The following ZNF730 variants were observed in gnomAD, a reference collection of about 807,000 sequenced individuals.
ZNF730 encodes the protein zinc finger protein 730, also known as putative zinc finger protein 730.
Under a neutral mutation model 12.6 loss-of-function variants are expected in ZNF730, and 12 were observed. That is an observed-to-expected ratio of 0.95 (90% CI 0.61 to 1.54). ZNF730 has a LOEUF of 1.54. Among genes scored for constraint, ZNF730 ranks in the 40% most tolerant of loss-of-function variants. The pLI, the probability that ZNF730 is intolerant of heterozygous loss-of-function variation, is 0.00. For missense variants in ZNF730, 643 were observed against 583.5 expected (o/e 1.10, Z -1.05); for synonymous variants, 194 against 195.8 (o/e 0.99, Z 0.08).
At chr19:23,093,806 C>G (rs1056431181) in intron 1 of ZNF730, among the ~76,000 whole-genome samples, 3 of 152,236 alleles carry the variant, frequency 2.0e-5, no homozygotes, top group Admixed American at 1.3e-4. Context: ...GGGTCAGGGG[C>G]ATGGTGGGAA....
In ZNF730 at chr19:23,145,580, G is replaced by A; in HGVS notation, c.536G>A (p.Gly179Glu). ...SKKPFKCKEC[G>E]KLFCILSHLA... Reference sequence around the variant, plus strand: ...AAACCTTTCAAATGTAAAGAATGTGGAAAATTATTTTGCATTCTTTCACAC... The same window carrying A: ...AAACCTTTCAAATGTAAAGAATGTGAAAAATTATTTTGCATTCTTTCACAC... The change falls in exon 4 of 4, where the codon GGA (glycine) becomes GAA (glutamate). Residue 179 changes from glycine to glutamate, a missense_variant. Transcript: ENST00000597761. The A allele has an allele frequency of 6.5e-7, 1 of 1,543,626 alleles. No individual in the cohort carries two copies. The highest frequency in any genetic ancestry group is 8.7e-7 in the Non-Finnish European group (1 of 1,145,650).
chr19:23,075,816 G>T (rs1969848823), intron 1 of ZNF730, among the ~76,000 whole-genome samples: 1 of 151,882 alleles, frequency 6.6e-6, no homozygotes, highest in African/African-American at 2.4e-5. Flanking sequence ...CTCGGTTTCT[G>T]TAAGCTCCGT....
Position 23,100,630 on chromosome 19 carries a change from C to CTTT in ZNF730, c.-94+25284_-94+25286dup, listed in dbSNP as rs201462781. On this transcript the variant is annotated intron_variant, in intron 1 of 2. Coordinates refer to the ZNF730 transcript ENST00000593635. ...TCTAGCCACAATTTGGATGGTGATT[C>CTTT]TTTTTTTTTTTTTTTTTTTTTTTTT... 3.4e-5 allele frequency among the ~76,000 whole-genome samples: 4 copies of CTTT among 118,552 alleles called. 1 individual carries two copies. Among genetic ancestry groups the CTTT allele is most frequent in the African/African-American group, 1.2e-4 (3 of 25,416 alleles). 77.8% of individuals were successfully genotyped at this position (118,552 alleles called of 152,430 possible). A position where few individuals can be genotyped will look rare whatever the true frequency, so the allele number is the denominator to read the frequency against.
intron 1 of ZNF730, among the ~76,000 whole-genome samples, chr19:23,086,726 C>G (rs1434337425): frequency 6.6e-6 from 1 of 152,136 alleles, no homozygotes; most frequent in Non-Finnish European, 1.5e-5. Flanking sequence ...TGTGATGCCT[C>G]CAGCTTTGCT....
chr19:23,128,156 T>A, intron 1 of ZNF730: 1 of 889,570 alleles, frequency 1.1e-6, no homozygotes, highest in Non-Finnish European at 1.9e-6. Flanking sequence ...TTTGGTTCCC[T>A]GAAGAGAGCA....
intron 1 of ZNF730, among the ~76,000 whole-genome samples, chr19:23,129,623 G>A (rs2145642937): frequency 6.8e-6 from 1 of 147,702 alleles, no homozygotes; most frequent in East Asian, 2.0e-4. Context: ...TAATTGTACA[G>A]GCTCATAGGC....
chr19:23,075,741 T>G (rs540107847), intron 1 of ZNF730, among the ~76,000 whole-genome samples: 2 of 149,524 alleles, frequency 1.3e-5, no homozygotes, highest in East Asian at 3.9e-4. Flanking sequence ...TTTCCTGTTA[T>G]TTTTTTTTTC....
intron 1 of ZNF730, among the ~76,000 whole-genome samples, chr19:23,088,821 T>C (rs1438552608): frequency 2.0e-5 from 3 of 152,106 alleles, no homozygotes; most frequent in African/African-American, 7.2e-5. Flanking sequence ...TTTTTATGCA[T>C]CTATTGAAAT....
intron 1 of ZNF730, among the ~76,000 whole-genome samples, chr19:23,129,572 T>TTCCCCC (rs1555715538): frequency 2.2e-5 from 3 of 138,480 alleles, no homozygotes; most frequent in African/African-American, 8.5e-5. Flanking sequence ...AATGCTTGTA[T>TTCCCCC]CCCCCCCCCC....
intron 1 of ZNF730, chr19:23,125,643 A>T (rs1305365490): frequency 6.6e-6 from 1 of 152,244 alleles, no homozygotes; most frequent in Non-Finnish European, 1.5e-5. Flanking sequence ...TGAGCCATGG[A>T]TGCCAGTCTC....
At chr19:23,141,932 TGC>T (rs1194766254) in intron 3 of ZNF730, among the ~76,000 whole-genome samples, 1 of 152,220 alleles carries the variant, frequency 6.6e-6, no homozygotes, top group Non-Finnish European at 1.5e-5. Context: ...TTACAGAAAG[TGC>T]AATATTAAAG....
At chr19:23,105,859 A>G (rs1024150628) in intron 1 of ZNF730, among the ~76,000 whole-genome samples, 1 of 152,230 alleles carries the variant, frequency 6.6e-6, no homozygotes, top group African/African-American at 2.4e-5. Context: ...GTTGTCAACA[A>G]CAACAAAAAA....
intron 1 of ZNF730, among the ~76,000 whole-genome samples, chr19:23,101,924 AC>A (rs1258007394): frequency 2.0e-5 from 3 of 152,154 alleles, no homozygotes; most frequent in African/African-American, 7.2e-5. Flanking sequence ...GGTACTGCTC[AC>A]AGGGTGCATT....
At chr19:23,123,298 G>C (rs1053137715) in intron 1 of ZNF730, 1 of 152,386 alleles carries the variant, frequency 6.6e-6, no homozygotes, top group Middle Eastern at 3.1e-3. Context: ...GGCCAGACAC[G>C]GTGGCTCACG....
upstream of ZNF730, among the ~76,000 whole-genome samples, chr19:23,114,013 A>C (rs536210210): frequency 3.7e-4 from 56 of 152,192 alleles, no homozygotes; most frequent in Non-Finnish European, 7.2e-4. Context: ...GACTGTACTC[A>C]TTTTTGTACC....
chr19:23,114,305 C>CTTTTTTTTTTTTTTTTTTTTTT (rs869304180), upstream of ZNF730, among the ~76,000 whole-genome samples: 1 of 103,508 alleles, frequency 9.7e-6, no homozygotes, highest in Non-Finnish European at 2.0e-5. Flanking sequence ...TTTTTCTTTT[C>CTTTTTTTTTTTTTTTTTTTTTT]TTTTTTTTTT....
chr19:23,128,140 A>G, intron 1 of ZNF730: 1 of 911,452 alleles, frequency 1.1e-6, no homozygotes, highest in Non-Finnish European at 1.8e-6. Flanking sequence ...CACTGGCAAT[A>G]AAGTTTTTGG....
chr19:23,145,451 G>A lies in ZNF730; in HGVS notation c.407G>A (p.Cys136Tyr). 6.4e-7 allele frequency: 1 copy of A among 1,573,562 alleles called. No homozygotes were observed. Among genetic ancestry groups the A allele is most frequent in the South Asian group, 1.2e-5 (1 of 85,686 alleles). The change falls in exon 4 of 4, where the codon TGT becomes TAT. Residue 136 changes from cysteine to tyrosine, a missense_variant. By Grantham distance (194) the Cys-to-Tyr change is radical. Coordinates refer to ENST00000597761, the MANE Select transcript of ZNF730 (RefSeq NM_001277403.2). ...AAAGGTTATAATAGACATAACCAGTGTTTGACAACTTCCCATAGCAAAATA... is the reference window on the plus strand; with the variant it reads ...AAAGGTTATAATAGACATAACCAGTATTTGACAACTTCCCATAGCAAAATA... ...HKKGYNRHNQCLTTSHSKIFQ... is the reference protein window; with the variant it reads ...HKKGYNRHNQYLTTSHSKIFQ...
At chr19:23,116,261 G>A (rs1209559229), upstream of ZNF730, among the ~76,000 whole-genome samples, 4 of 149,172 alleles carry the variant, frequency 2.7e-5, no homozygotes, top group African/African-American at 7.5e-5. Context: ...TGGAAGAAAG[G>A]TGGTCACCAG....
Sources: allele counts gnomAD v4.1 joint callset (sites outside exome capture counted in the v4.1 genomes callset), GRCh38; gene constraint gnomAD v4.1.1; transcripts MANE v1.5; gene names NCBI Gene and HGNC (gene_info 2026-07-23, HGNC 2026-07-21).